LRMDA: variants seen among roughly 807,000 people sequenced by gnomAD.
LRMDA encodes the protein leucine-rich melanocyte differentiation-associated protein.
LRMDA carries 18 observed loss-of-function variants against 29.8 expected under a neutral mutation model. That is an observed-to-expected ratio of 0.60 (90% CI 0.42 to 0.90). The LOEUF (loss-of-function observed/expected upper bound fraction) is 0.90. Ranked by LOEUF, LRMDA falls within the 40% of genes least tolerant of loss-of-function variation. LRMDA has a pLI of 0.00. For synonymous variants in LRMDA, 125 were observed against 109.4 expected (o/e 1.14, Z -0.89); for missense variants, 273 against 273.9 (o/e 1.00, Z 0.02).
chr10:75,576,886 C>T (rs1486249994), intron 2 of LRMDA, among the ~76,000 whole-genome samples: 1 of 152,188 alleles, frequency 6.6e-6, no homozygotes, highest in African/African-American at 2.4e-5. Flanking sequence ...CCGAAGGTCA[C>T]CGACTTCAAA....
intron 6 of LRMDA, among the ~76,000 whole-genome samples, chr10:76,357,584 T>A (rs1841257984): frequency 6.6e-6 from 1 of 152,240 alleles, no homozygotes. Context: ...CTATATTGTT[T>A]GTTCTCTTGG....
At chr10:76,223,894 G>A (rs191909155) in intron 5 of LRMDA, among the ~76,000 whole-genome samples, 1 of 152,252 alleles carries the variant, frequency 6.6e-6, no homozygotes, top group East Asian at 1.9e-4. Flanking sequence ...CTCTTTGGGA[G>A]AATTGTCTTT....
At chr10:76,444,212 T>C (rs1487874551) in intron 6 of LRMDA, among the ~76,000 whole-genome samples, 1 of 152,202 alleles carries the variant, frequency 6.6e-6, no homozygotes, top group Non-Finnish European at 1.5e-5. Flanking sequence ...TTTCATCTAA[T>C]CTGAACCTCA....
At chr10:75,957,397 C>T (rs777016402) in intron 2 of LRMDA, among the ~76,000 whole-genome samples, 1 of 152,192 alleles carries the variant, frequency 6.6e-6, no homozygotes, top group African/African-American at 2.4e-5. Context: ...TGAAGGGTGC[C>T]TTTAAGAAAT....
chr10:76,372,933 G>C (rs544090431), intron 6 of LRMDA, among the ~76,000 whole-genome samples: 20 of 152,222 alleles, frequency 1.3e-4, no homozygotes, highest in African/African-American at 4.3e-4. Context: ...CTTCAGAAAA[G>C]GGTTCCATTT....
At chr10:76,035,888 A>G in intron 2 of LRMDA, 120 bp from the exon 3 acceptor site, 2 of 1,189,750 alleles carry the variant, frequency 1.7e-6, no homozygotes, top group Non-Finnish European at 1.1e-6. Context: ...CTTTGCTGAC[A>G]GGCACCAAGC....
chr10:76,237,809 T>TA (rs1852182462), intron 5 of LRMDA, among the ~76,000 whole-genome samples: 3 of 148,990 alleles, frequency 2.0e-5, no homozygotes, highest in African/African-American at 7.4e-5. Context: ...TTTTTTTTTT[T>TA]AAGATGGAGT....
At chr10:75,886,820 G>A in intron 2 of LRMDA, among the ~76,000 whole-genome samples, 1 of 152,182 alleles carries the variant, frequency 6.6e-6, no homozygotes, top group Non-Finnish European at 1.5e-5. Context: ...GCCAGTTAAG[G>A]CTCAGAGAGG....
intron 5 of LRMDA, among the ~76,000 whole-genome samples, chr10:76,090,658 A>G (rs1336681421): frequency 6.6e-6 from 1 of 152,222 alleles, no homozygotes; most frequent in Non-Finnish European, 1.5e-5. Flanking sequence ...GAGAAACAAC[A>G]TGTGGTCAGT....
intron 2 of LRMDA, among the ~76,000 whole-genome samples, chr10:75,905,888 G>A (rs141853150): frequency 6.6e-6 from 1 of 152,208 alleles, no homozygotes; most frequent in Non-Finnish European, 1.5e-5. Context: ...GTCTGCTGGG[G>A]AGGAGGTGGG....
At chr10:76,349,346 A>G (rs985029780) in intron 6 of LRMDA, among the ~76,000 whole-genome samples, 8 of 152,288 alleles carry the variant, frequency 5.3e-5, no homozygotes, top group African/African-American at 1.9e-4. Context: ...AAGACTATTT[A>G]GAAAAACAGG....
chr10:75,954,863 C>T (rs1846638308), intron 2 of LRMDA, among the ~76,000 whole-genome samples: 1 of 152,140 alleles, frequency 6.6e-6, no homozygotes, highest in Non-Finnish European at 1.5e-5. Flanking sequence ...AAAAGTCAGG[C>T]AGTGAGTGGG....
intron 2 of LRMDA, among the ~76,000 whole-genome samples, chr10:75,746,874 G>A (rs1474325889): frequency 6.6e-6 from 1 of 151,920 alleles, no homozygotes; most frequent in Non-Finnish European, 1.5e-5. Context: ...AGGAGGAAGA[G>A]GAAGAGGGAG....
chr10:75,631,675 T>C (rs1841325550), intron 2 of LRMDA, among the ~76,000 whole-genome samples: 1 of 152,166 alleles, frequency 6.6e-6, no homozygotes, highest in Admixed American at 6.5e-5. Context: ...GTAATTCGCC[T>C]TGACATCACT....
Position 76,383,895 on chromosome 10 carries a change from C to T in LRMDA, c.601+59410C>T, listed in dbSNP as rs181527142. Among the ~76,000 whole-genome samples the T allele has an allele frequency of 3.1e-3, 473 of 152,314 alleles. 4 individuals carry two copies. Among genetic ancestry groups the T allele is most frequent in the African/African-American group, 0.011 (443 of 41,566 alleles). On this transcript the variant is annotated intron_variant, in intron 6 of 6. Transcript: ENST00000611255. ...TTTAAAGGAGCCACAACCAGCTACC[C>T]ACCAGTCACTTTCCATCATTTGTCA...
chr10:75,610,572 G>A (rs1841016515), intron 2 of LRMDA, among the ~76,000 whole-genome samples: 1 of 152,058 alleles, frequency 6.6e-6, no homozygotes, highest in Non-Finnish European at 1.5e-5. Flanking sequence ...TGGCCAGAAG[G>A]ACCTTAGAGA....
intron 2 of LRMDA, among the ~76,000 whole-genome samples, chr10:75,806,342 A>G (rs10762681): frequency 0.4 from 60,883 of 151,824 alleles, 13,833 homozygotes; most frequent in South Asian, 0.54. Flanking sequence ...ATGCGTCAGC[A>G]TTCTTGAGAA....
intron 6 of LRMDA, among the ~76,000 whole-genome samples, chr10:76,494,738 TA>T (rs1454432270): frequency 2.0e-5 from 3 of 151,928 alleles, no homozygotes; most frequent in African/African-American, 7.2e-5. Flanking sequence ...ATATGACCTC[TA>T]ATGGTAAAAA....
intron 2 of LRMDA, among the ~76,000 whole-genome samples, chr10:75,553,339 G>A (rs1364423667): frequency 1.3e-5 from 2 of 152,198 alleles, no homozygotes; most frequent in Non-Finnish European, 2.9e-5. Context: ...CTGGAGAGAT[G>A]AAGGGTTTTC....
Sources: gnomAD v4.1 joint callset for allele counts (sites outside exome capture counted in the v4.1 genomes callset) on GRCh38, gnomAD v4.1.1 for gene constraint, MANE v1.5 for transcripts, NCBI Gene and HGNC (gene_info 2026-07-23, HGNC 2026-07-21) for gene names.